RASSF5: variants seen among roughly 807,000 people sequenced by gnomAD.
The protein encoded by RASSF5 is ras association domain-containing protein 5.
RASSF5 carries 25 observed loss-of-function variants against 40.5 expected under a neutral mutation model. The ratio of observed to expected loss-of-function variants is 0.62; its 90% CI spans 0.45 to 0.86. The LOEUF is 0.86. Among genes scored for constraint, RASSF5 ranks in the 40% least tolerant of loss-of-function variants. RASSF5 has a pLI of 0.00. For synonymous variants in RASSF5, 246 were observed against 252.4 expected (o/e 0.97, Z 0.24); for missense variants, 521 against 572.8 (o/e 0.91, Z 0.92).
intron 2 of RASSF5, among the ~76,000 whole-genome samples, chr1:206,545,559 T>G (rs1052451504): frequency 6.6e-6 from 1 of 151,894 alleles, no homozygotes; most frequent in Non-Finnish European, 1.5e-5. Context: ...CCCAGGCTGA[T>G]CTTGAACCCC....
chr1:206,576,708 A>T (rs947248168), intron 2 of RASSF5, among the ~76,000 whole-genome samples: 6 of 152,180 alleles, frequency 3.9e-5, no homozygotes, highest in African/African-American at 1.2e-4. Flanking sequence ...CTACATAGAG[A>T]AGGTGGAACT....
intron 2 of RASSF5, among the ~76,000 whole-genome samples, chr1:206,568,129 C>A (rs1668333817): frequency 6.6e-6 from 1 of 152,114 alleles, no homozygotes; most frequent in Non-Finnish European, 1.5e-5. Flanking sequence ...AAGATAGGAC[C>A]CTTTGCCAGG....
chr1:206,585,235 T>C lies in RASSF5; in HGVS notation c.1044T>C (p.Ala348=). The C allele has an allele frequency of 1.2e-6, 2 of 1,614,176 alleles. No homozygotes were observed. Among genetic ancestry groups the C allele is most frequent in the Non-Finnish European group, 1.7e-6 (2 of 1,180,024 alleles). ...GCCCCCTCTACCTGCGCCTGCTTGCTGGGCCTGACACGGAGGTCCTCAGCT... is the reference window on the plus strand; with the variant it reads ...GCCCCCTCTACCTGCGCCTGCTTGCCGGGCCTGACACGGAGGTCCTCAGCT... ...ADRPLYLRLL[A]GPDTEVLSFV... is the part of the protein sequence containing the mutation. The change falls in exon 5 of 6, where the codon GCT becomes GCC. Residue 348 remains alanine (A), a synonymous_variant. Transcript: ENST00000579436.
Position 206,552,426 on chromosome 1 carries a change from G to T in RASSF5, c.579+14133G>T, listed in dbSNP as rs1667865432. Among the ~76,000 whole-genome samples, 1 of 152,202 alleles carries T rather than the reference G, an allele frequency of 6.6e-6. No individual in the cohort carries two copies. Among genetic ancestry groups the T allele is most frequent in the Admixed American group, 6.5e-5 (1 of 15,290 alleles). On this transcript the variant is annotated intron_variant, in intron 2 of 5. Transcript: ENST00000579436. This position sits in a 1 kb window ranked among gnomAD's most constrained non-coding sequence, Gnocchi z 4.1. ...ATAGGAGGAGGATTTTGACATCAGA[G>T]GAGAGAATAGCAAGAGCTAAGCCAC...
chr1:206,558,162 T>G (rs570389138), intron 2 of RASSF5, among the ~76,000 whole-genome samples: 1 of 152,376 alleles, frequency 6.6e-6, no homozygotes, highest in African/African-American at 2.4e-5. Flanking sequence ...CCACCTTAAG[T>G]CGTAATCCAG....
intron 5 of RASSF5, chr1:206,585,659 C>T (rs1260464499): frequency 1.1e-5 from 2 of 186,656 alleles, no homozygotes; most frequent in Non-Finnish European, 2.3e-5. Flanking sequence ...CTGGGCTCCA[C>T]TGGGTATAGA....
intron 2 of RASSF5, chr1:206,571,457 C>G (rs1668447057): frequency 6.6e-6 from 1 of 152,096 alleles, no homozygotes; most frequent in South Asian, 2.1e-4. Flanking sequence ...CACCGTCCAT[C>G]CTTAATTAAC....
In RASSF5 at chr1:206,535,011, G is replaced by A. The variant is rs1241315587; in HGVS notation, c.458-3161G>A. 6.6e-6 allele frequency among the ~76,000 whole-genome samples: 1 copy of A among 152,106 alleles called. No individual in the cohort carries two copies. Among genetic ancestry groups the A allele is most frequent in the Non-Finnish European group, 1.5e-5 (1 of 68,010 alleles). ...TTTGGGAGGCAGAGGTGGGCAAATCGCTTGAGCCCAGGAGTTCGAGACCAG... is the reference window on the plus strand; with the variant it reads ...TTTGGGAGGCAGAGGTGGGCAAATCACTTGAGCCCAGGAGTTCGAGACCAG... On this transcript the variant is annotated intron_variant, in intron 1 of 5. Coordinates refer to ENST00000579436, the MANE Select transcript of RASSF5 (RefSeq NM_182663.4). The surrounding 1 kb of genome is among the most constrained non-coding windows in gnomAD (Gnocchi z 5.0).
At chr1:206,585,489 T>C in intron 5 of RASSF5, 194 bp downstream of exon 5, 1 of 524,442 alleles carries the variant, frequency 1.9e-6, no homozygotes, top group Non-Finnish European at 3.5e-6. Flanking sequence ...CACCCTGGGG[T>C]AGCACATTAG....
chr1:206,561,036 G>C (rs1553402491), intron 2 of RASSF5, among the ~76,000 whole-genome samples: 1 of 152,192 alleles, frequency 6.6e-6, no homozygotes, highest in African/African-American at 2.4e-5. Context: ...TTTGACATCT[G>C]AGCGGGAACA....
At chr1:206,554,117 C>T (rs10863706) in intron 2 of RASSF5, among the ~76,000 whole-genome samples, 44,555 of 152,096 alleles carry the variant, frequency 0.29, 7,012 homozygotes, top group East Asian at 0.55. Flanking sequence ...CTCAGGGGTG[C>T]GGTGGCACCT....
chr1:206,538,191 C>A lies in RASSF5; in HGVS notation c.477C>A (p.His159Gln). 6.2e-7 allele frequency: 1 copy of A among 1,614,220 alleles called. No individual in the cohort carries two copies. The highest frequency in any genetic ancestry group is 8.5e-7 in the Non-Finnish European group (1 of 1,180,036). ...LRCTNCKFTC[H>Q]PECRSLIQLD... ...CTCCAGACTGTAAATTCACCTGTCACCCAGAATGCCGCAGCCTGATCCAGT... is the reference window on the plus strand; with the variant it reads ...CTCCAGACTGTAAATTCACCTGTCAACCAGAATGCCGCAGCCTGATCCAGT... The change falls in exon 2 of 6, where the codon CAC (histidine) becomes CAA (glutamine). Residue 159 changes from histidine (H) to glutamine (Q), a missense_variant. Physicochemically the swap from His to Gln is conservative, Grantham distance 24. This residue lies in a region of RASSF5 where 284 missense variants were observed against 360.8 expected (regional missense o/e 0.79). Coordinates refer to ENST00000579436, the MANE Select transcript of RASSF5 (RefSeq NM_182663.4).
intron 1 of RASSF5, among the ~76,000 whole-genome samples, chr1:206,524,878 C>G (rs1553396960): frequency 6.6e-6 from 1 of 151,346 alleles, no homozygotes; most frequent in African/African-American, 2.4e-5. Context: ...CACACTCACA[C>G]ACACACACAT....
At chr1:206,573,778 C>T (rs539130442) in intron 2 of RASSF5, among the ~76,000 whole-genome samples, 30 of 152,244 alleles carry the variant, frequency 2.0e-4, no homozygotes, top group South Asian at 6.2e-4. Context: ...GAGGCCAAAG[C>T]GGGAGGATCA....
intron 2 of RASSF5, among the ~76,000 whole-genome samples, chr1:206,582,731 A>G (rs988832428): frequency 5.9e-5 from 9 of 152,302 alleles, no homozygotes; most frequent in African/African-American, 2.2e-4. Flanking sequence ...ACTGGTCTCT[A>G]TGTGTCCTTG....
At chr1:206,523,729 AT>A (rs1558498282) in intron 1 of RASSF5, among the ~76,000 whole-genome samples, 2 of 96,196 alleles carry the variant, frequency 2.1e-5, no homozygotes, top group Non-Finnish European at 3.7e-5. Flanking sequence ...ATATTTATAT[AT>A]TATATATAAT....
intron 2 of RASSF5, among the ~76,000 whole-genome samples, chr1:206,569,267 AC>A (rs1668373704): frequency 1.3e-5 from 2 of 152,224 alleles, no homozygotes; most frequent in Admixed American, 1.3e-4. Flanking sequence ...TTACAGAAAG[AC>A]TGTGGGCTCA....
At chr1:206,578,482 A>G (rs1668742393) in intron 2 of RASSF5, among the ~76,000 whole-genome samples, 1 of 152,184 alleles carries the variant, frequency 6.6e-6, no homozygotes, top group Admixed American at 6.5e-5. Context: ...GTCATCATTC[A>G]GGGCTGGAGT....
rs542647925 is a variant in RASSF5, at chr1:206,566,621, C to G, written c.580-16648C>G. On this transcript the variant is annotated intron_variant, in intron 2 of 5. Transcript: ENST00000579436. ...AGAACTGAAGCTCCACCTATCCCCT[C>G]CGTTGGCTGGAGCACAGTGAAGAGG... Among the ~76,000 whole-genome samples the G allele has an allele frequency of 8.5e-5, 13 of 152,318 alleles. No individual in the cohort carries two copies. The South Asian group carries it at 2.3e-3, about 27-fold the overall frequency.
Sources: allele counts gnomAD v4.1 joint callset (sites outside exome capture counted in the v4.1 genomes callset), GRCh38; gene constraint gnomAD v4.1.1; regional missense constraint gnomAD v4.1.1; non-coding constraint Gnocchi (gnomAD v3.1); transcripts MANE v1.5; gene names NCBI Gene and HGNC (gene_info 2026-07-23, HGNC 2026-07-21).